Variants in ARHGAP44 observed in about 807,000 individuals in gnomAD.
The protein encoded by ARHGAP44 is rho GTPase-activating protein 44.
In ARHGAP44, 43 loss-of-function variants were observed where a neutral mutation model predicts 106.8. The ratio of observed to expected loss-of-function variants is 0.40; its 90% confidence interval spans 0.32 to 0.52. The LOEUF is 0.52. ARHGAP44 is among the 20% of genes least tolerant of loss of function. ARHGAP44 has a pLI of 0.48. For missense variants in ARHGAP44, 866 were observed against 1,050.5 expected (o/e 0.82, Z 2.43); for synonymous variants, 439 against 410.3 (o/e 1.07, Z -0.85).
intron 1 of ARHGAP44, among the ~76,000 whole-genome samples, chr17:12,883,996 A>T (rs2036811669): frequency 6.6e-6 from 1 of 152,072 alleles, no homozygotes; most frequent in African/African-American, 2.4e-5. Context: ...AATTCTCGTA[A>T]CTTCTTGATG....
At chr17:12,908,735 C>G (rs2037636124) in intron 3 of ARHGAP44, among the ~76,000 whole-genome samples, 162 bp from the exon 4 acceptor site, 2 of 152,100 alleles carry the variant, frequency 1.3e-5, no homozygotes, top group African/African-American at 2.4e-5. Flanking sequence ...TAAGTCTAAC[C>G]CATCATGGTG....
intron 18 of ARHGAP44, among the ~76,000 whole-genome samples, chr17:12,977,526 A>G (rs1216144856): frequency 6.6e-6 from 1 of 152,162 alleles, no homozygotes; most frequent in Non-Finnish European, 1.5e-5. Context: ...CATGAATGCT[A>G]ACCCCAAAAT....
chr17:12,958,946 G>A lies in ARHGAP44; in HGVS notation c.1523+49G>A. Reference sequence around the variant, plus strand: ...AGCACTGGGGATTAGGGGAGGTGGTGGGGGTGGATGGGTGACGCATAAGAA... The same window carrying A: ...AGCACTGGGGATTAGGGGAGGTGGTAGGGGTGGATGGGTGACGCATAAGAA... On this transcript the variant is annotated intron_variant, in intron 16 of 20. Transcript: ENST00000379672. This position sits in a 1 kb window ranked among gnomAD's most constrained non-coding sequence, Gnocchi z 4.1. 6.4e-7 allele frequency: 1 copy of A among 1,559,546 alleles called. No individual in the cohort carries two copies. Among genetic ancestry groups the A allele is most frequent in the Non-Finnish European group, 8.7e-7 (1 of 1,148,978 alleles).
chr17:12,834,111 A>T (rs543427390), intron 1 of ARHGAP44, among the ~76,000 whole-genome samples: 1 of 152,076 alleles, frequency 6.6e-6, no homozygotes, highest in Non-Finnish European at 1.5e-5. Context: ...TACGGGTCCA[A>T]TTAGATGGTT....
chr17:12,978,186 TG>T (rs763589928), intron 18 of ARHGAP44, among the ~76,000 whole-genome samples: 12 of 152,096 alleles, frequency 7.9e-5, no homozygotes, highest in Non-Finnish European at 1.5e-4. Context: ...GATTATGAGA[TG>T]TTTTTGATTG....
At chr17:12,926,364 G>GA (rs927335992) in intron 6 of ARHGAP44, among the ~76,000 whole-genome samples, 14 of 140,918 alleles carry the variant, frequency 9.9e-5, no homozygotes, top group African/African-American at 3.1e-4. Flanking sequence ...GACTTGATAT[G>GA]AAAAAAAAAT....
intron 13 of ARHGAP44, among the ~76,000 whole-genome samples, chr17:12,953,858 GC>G (rs975239186): frequency 2.0e-4 from 30 of 152,058 alleles, no homozygotes; most frequent in Admixed American, 6.6e-5. Flanking sequence ...GTTGCCAGGG[GC>G]TAGGAGACAG....
At chr17:12,809,040 C>T (rs1228790580) in intron 1 of ARHGAP44, among the ~76,000 whole-genome samples, 1 of 152,232 alleles carries the variant, frequency 6.6e-6, no homozygotes, top group Non-Finnish European at 1.5e-5. Flanking sequence ...TTTCACAGAT[C>T]TCTAGGGCAG....
intron 16 of ARHGAP44, among the ~76,000 whole-genome samples, chr17:12,969,414 C>A (rs1339182782): frequency 6.6e-6 from 1 of 152,196 alleles, no homozygotes; most frequent in Non-Finnish European, 1.5e-5. Flanking sequence ...GCCACAGTTT[C>A]ATTGGCTCCT....
chr17:12,881,705 GTTTAT>G (rs1330449830), intron 1 of ARHGAP44, among the ~76,000 whole-genome samples: 7 of 151,924 alleles, frequency 4.6e-5, no homozygotes, highest in Non-Finnish European at 1.0e-4. Context: ...GTTGTTGTTT[GTTTAT>G]TTTGAGACAG....
At chr17:12,841,949 A>G (rs772191277) in intron 1 of ARHGAP44, among the ~76,000 whole-genome samples, 1 of 152,166 alleles carries the variant, frequency 6.6e-6, no homozygotes, top group South Asian at 2.1e-4. Flanking sequence ...AATAGTATAT[A>G]CAAAGCCAAG....
At chr17:12,989,176 G>C (rs775540814) in intron 20 of ARHGAP44, among the ~76,000 whole-genome samples, 18 of 151,238 alleles carry the variant, frequency 1.2e-4, no homozygotes, top group Middle Eastern at 3.4e-3. Flanking sequence ...GGACCCAGGG[G>C]ATCTGTGGTT....
chr17:12,928,395 T>G (rs1314643560), intron 6 of ARHGAP44, among the ~76,000 whole-genome samples: 1 of 152,200 alleles, frequency 6.6e-6, no homozygotes, highest in African/African-American at 2.4e-5. Context: ...TTTTGAAATA[T>G]ATAATATACA....
chr17:12,841,594 T>TCTCTCTCTCTCA (rs1417307080), intron 1 of ARHGAP44, among the ~76,000 whole-genome samples: 3,889 of 126,360 alleles, frequency 0.031, 93 homozygotes, highest in African/African-American at 0.058. Flanking sequence ...TGTCTCTCTC[T>TCTCTCTCTCTCA]CACACACACA....
At chr17:12,818,474 A>C (rs1326311222) in intron 1 of ARHGAP44, among the ~76,000 whole-genome samples, 1 of 151,942 alleles carries the variant, frequency 6.6e-6, no homozygotes, top group East Asian at 1.9e-4. Flanking sequence ...TGGTGATCCT[A>C]ATCAGTGCAA....
chr17:12,943,543 T>A, intron 8 of ARHGAP44, 45 bp from the exon 9 acceptor site: 1 of 1,592,202 alleles, frequency 6.3e-7, no homozygotes, highest in Non-Finnish European at 8.6e-7. Context: ...GCAGCCTGTG[T>A]CCTTGCCCCT....
At chr17:12,792,879 A>G (rs1039878444) in intron 1 of ARHGAP44, among the ~76,000 whole-genome samples, 22 of 152,348 alleles carry the variant, frequency 1.4e-4, no homozygotes, top group Admixed American at 4.6e-4. Context: ...GTCAGCGACT[A>G]TGAAAAGATT....
At chr17:12,956,878 C>T (rs1162800034) in intron 15 of ARHGAP44, 132 bp downstream of exon 15, 6 of 664,534 alleles carry the variant, frequency 9.0e-6, no homozygotes, top group Non-Finnish European at 1.6e-5. Flanking sequence ...CACACACACA[C>T]ACACACACAC....
chr17:12,868,652 T>G (rs1031598366), intron 1 of ARHGAP44, among the ~76,000 whole-genome samples: 3 of 143,058 alleles, frequency 2.1e-5, no homozygotes, highest in African/African-American at 5.1e-5. Flanking sequence ...ATATATTTTA[T>G]TTATTTTTTT....
Sources: gnomAD v4.1 joint callset for allele counts (sites outside exome capture counted in the v4.1 genomes callset) on GRCh38, gnomAD v4.1.1 for gene constraint, Gnocchi (gnomAD v3.1) non-coding constraint, MANE v1.5 for transcripts, NCBI Gene and HGNC (gene_info 2026-07-23, HGNC 2026-07-21) for gene names.